LGR6: variants seen among roughly 807,000 people sequenced by gnomAD.
The protein encoded by LGR6 is leucine rich repeat containing G protein-coupled receptor 6.
Under a neutral mutation model 69.4 loss-of-function variants are expected in LGR6, and 45 were observed. The ratio of observed to expected loss-of-function variants is 0.65; its 90% CI spans 0.51 to 0.83. The LOEUF (loss-of-function observed/expected upper bound fraction) is 0.83, where lower values mean the gene tolerates loss of function less well. Ranked by LOEUF, LGR6 falls within the 40% of genes least tolerant of loss-of-function variation. LGR6 has a pLI of 0.00. For missense variants in LGR6, 1,108 were observed against 1,246.7 expected, an observed-to-expected ratio of 0.89 and a Z score of 1.68; for synonymous variants, 538 against 555.0, an observed-to-expected ratio of 0.97 and a Z score of 0.43.
chr1:202,303,919 C>T (rs974300039), intron 10 of LGR6, among the ~76,000 whole-genome samples: 16 of 152,154 alleles, frequency 1.1e-4, no homozygotes, highest in African/African-American at 2.9e-4. Context: ...GTTGTCTCCC[C>T]GCTAGATTCA....
chr1:202,204,327 C>A (rs1658954378), intron 1 of LGR6, among the ~76,000 whole-genome samples: 1 of 116,812 alleles, frequency 8.6e-6, no homozygotes, highest in Non-Finnish European at 1.8e-5. Context: ...ACACCTCCTC[C>A]TAACACACAC....
At chr1:202,215,831 T>C (rs1476623047) in intron 1 of LGR6, among the ~76,000 whole-genome samples, 1 of 152,202 alleles carries the variant, frequency 6.6e-6, no homozygotes, top group Non-Finnish European at 1.5e-5. Flanking sequence ...GCTACATGAA[T>C]GAGCAGTCTG....
At chr1:202,310,148 G>C in intron 15 of LGR6, 49 bp from the exon 16 acceptor site, 1 of 1,601,424 alleles carries the variant, frequency 6.2e-7, no homozygotes, top group Non-Finnish European at 8.5e-7. Context: ...TTAGGTCTTA[G>C]ACCCCAAAGA....
chr1:202,260,048 A>G (rs1051538255), intron 4 of LGR6, among the ~76,000 whole-genome samples: 5 of 152,070 alleles, frequency 3.3e-5, no homozygotes, highest in African/African-American at 1.2e-4. Flanking sequence ...ATTTTATTTT[A>G]TTATTATTAT....
In LGR6 at chr1:202,300,853, T is replaced by C. The variant is rs1049267213; in HGVS notation, c.790T>C (p.Phe264Leu). The change falls in exon 8 of 18, where the codon TTC (phenylalanine) becomes CTC (leucine). Residue 264 changes from phenylalanine to leucine, a missense_variant. Transcript: ENST00000367278. ...RTLGRLQELG[F>L]HNNNIKAIPE... is the part of the protein sequence containing the mutation. ...GTTCCTGGTGTTGTCTTCCAGGGGG[T>C]TCCATAACAACAACATCAAGGCCAT... 6.2e-7 allele frequency: 1 copy of C among 1,608,884 alleles called. No homozygotes were observed. Among genetic ancestry groups the C allele is most frequent in the African/African-American group, 1.3e-5 (1 of 74,572 alleles).
At chr1:202,255,464 C>A (rs995604544) in intron 4 of LGR6, among the ~76,000 whole-genome samples, 1 of 152,196 alleles carries the variant, frequency 6.6e-6, no homozygotes, top group Admixed American at 6.5e-5. Flanking sequence ...CTTTCCACTG[C>A]CTGCTCCTCG....
chr1:202,239,344 G>GGTGTGT lies in LGR6; in HGVS notation c.428+3387_428+3392dup, dbSNP rs36157781. Among the ~76,000 whole-genome samples, 587 of 144,234 alleles carry GGTGTGT rather than the reference G, an allele frequency of 4.1e-3. 2 individuals carry two copies. The highest frequency in any genetic ancestry group is 0.01 in the Admixed American group (151 of 14,382). The allele number at this position is 144,234 out of a possible 152,430, so 94.6% of individuals were successfully genotyped here. A position where few individuals can be genotyped will look rare whatever the true frequency, so the allele number is the denominator to read the frequency against. ...TGGCTGGCTGAACTTGTGTGTGTGTGGTGTGTGTGTGTGTGTGTGTGTGTG... is the reference window on the plus strand; with the variant it reads ...TGGCTGGCTGAACTTGTGTGTGTGTGGTGTGTGTGTGTGTGTGTGTGTGTGTGTGTG... On this transcript the variant is annotated intron_variant, in intron 4 of 17. Transcript: ENST00000367278.
chr1:202,308,281 C>T (rs1421676696), intron 14 of LGR6, among the ~76,000 whole-genome samples: 1 of 152,204 alleles, frequency 6.6e-6, no homozygotes, highest in Non-Finnish European at 1.5e-5. Context: ...CCTGTTTGCT[C>T]TAGTCCTGCC....
At chr1:202,219,026 T>C (rs1349653329) in intron 1 of LGR6, among the ~76,000 whole-genome samples, 1 of 152,186 alleles carries the variant, frequency 6.6e-6, no homozygotes, top group Non-Finnish European at 1.5e-5. Flanking sequence ...CTTCATGACC[T>C]TCAGGGCTGG....
At chr1:202,306,968 T>C in intron 13 of LGR6, 29 bp downstream of exon 13, 3 of 1,589,446 alleles carry the variant, frequency 1.9e-6, no homozygotes, top group Non-Finnish European at 2.6e-6. Context: ...GGGTGGGCCA[T>C]GGAGGAGCCA....
intron 4 of LGR6, 97 bp downstream of exon 4, chr1:202,236,090 G>A: frequency 2.1e-6 from 2 of 971,920 alleles, no homozygotes; most frequent in South Asian, 1.3e-5. Flanking sequence ...CCCTCTGCAG[G>A]CGCCCCCTCT....
chr1:202,297,380 C>T, intron 6 of LGR6, 128 bp from the exon 7 acceptor site: 3 of 706,676 alleles, frequency 4.2e-6, no homozygotes, highest in South Asian at 3.6e-5. Context: ...CAGACATTGG[C>T]CGCTGGATCC....
At chr1:202,280,941 C>A in intron 6 of LGR6, 89 bp downstream of exon 6, 2 of 1,242,516 alleles carry the variant, frequency 1.6e-6, no homozygotes, top group Non-Finnish European at 2.3e-6. Context: ...GAGGGAAGAG[C>A]CAGCAGTCCT....
chr1:202,253,620 C>CTT lies in LGR6; in HGVS notation c.428+17652_428+17653dup, dbSNP rs71141468. Reference sequence around the variant, plus strand: ...GCCTGGCCAAGATGGTCCTACTATTCTTTTTTTTTTTTTTTTTTTTTTTTT... The same window carrying CTT: ...GCCTGGCCAAGATGGTCCTACTATTCTTTTTTTTTTTTTTTTTTTTTTTTTTT... On this transcript the variant is annotated intron_variant, in intron 4 of 17. Transcript: ENST00000367278. Among the ~76,000 whole-genome samples the CTT allele has an allele frequency of 5.3e-3, 276 of 52,490 alleles. 47 individuals are homozygous for CTT. The highest frequency in any genetic ancestry group is 7.8e-3 in the Admixed American group (27 of 3,442). 34.4% of individuals were successfully genotyped at this position (52,490 alleles called of 152,430 possible). A position where few individuals can be genotyped will look rare whatever the true frequency, so the allele number is the denominator to read the frequency against.
At chr1:202,217,040 C>G (rs558914329) in intron 1 of LGR6, among the ~76,000 whole-genome samples, 1 of 152,154 alleles carries the variant, frequency 6.6e-6, no homozygotes, top group Non-Finnish European at 1.5e-5. Flanking sequence ...ACAGCTGTGC[C>G]GGGGAGAGCT....
intron 4 of LGR6, among the ~76,000 whole-genome samples, chr1:202,244,574 G>A (rs1281102540): frequency 2.0e-5 from 3 of 151,908 alleles, no homozygotes; most frequent in African/African-American, 7.3e-5. Flanking sequence ...CTGCCTTCAC[G>A]TAGCTTTCTC....
intron 16 of LGR6, among the ~76,000 whole-genome samples, chr1:202,313,333 G>C (rs1169894584): frequency 6.6e-6 from 1 of 152,152 alleles, no homozygotes; most frequent in Non-Finnish European, 1.5e-5. Context: ...TCCCATTGGG[G>C]ACTTTCTGTT....
intron 1 of LGR6, among the ~76,000 whole-genome samples, chr1:202,200,170 T>C (rs1658790576): frequency 6.6e-6 from 1 of 152,180 alleles, no homozygotes; most frequent in African/African-American, 2.4e-5. Flanking sequence ...GTGGAGGAAG[T>C]GATCCTTCTC....
chr1:202,309,514 G>A (rs987095179), intron 15 of LGR6, among the ~76,000 whole-genome samples: 3 of 152,246 alleles, frequency 2.0e-5, no homozygotes, highest in African/African-American at 7.2e-5. Context: ...GTCCTCACTT[G>A]GGCAGCATCT....
Sources: gnomAD v4.1 joint callset for allele counts (sites outside exome capture counted in the v4.1 genomes callset) on GRCh38, gnomAD v4.1.1 for gene constraint, MANE v1.5 for transcripts, NCBI Gene and HGNC (gene_info 2026-07-23, HGNC 2026-07-21) for gene names.